The following LOC112694756 variants were observed in gnomAD, a reference collection of about 807,000 sequenced individuals.
the LOC112694756 span, chr16:30,066,797 C>T: frequency 2.8e-6 from 4 of 1,421,778 alleles, no homozygotes; most frequent in Non-Finnish European, 3.8e-6. Flanking sequence ...TTTCCCATAT[C>T]TGGGCCCTTT....
the LOC112694756 span, chr16:30,067,213 C>T: frequency 9.3e-6 from 15 of 1,611,992 alleles, no homozygotes; most frequent in African/African-American, 1.1e-4. Context: ...CTAGTCCTTC[C>T]CCTCTGTTTC....
At chr16:30,063,270 C>T in the LOC112694756 span, among the ~76,000 whole-genome samples, 2 of 151,986 alleles carry the variant, frequency 1.3e-5, no homozygotes, top group Admixed American at 6.6e-5. Flanking sequence ...TGAATGAGAC[C>T]CTCTATTTTG....
the LOC112694756 span, chr16:30,068,414 T>G: frequency 1.7e-6 from 1 of 593,888 alleles, no homozygotes. Flanking sequence ...TTGCCAGCCC[T>G]GAGATGCAGT....
At chr16:30,069,978 G>A in the LOC112694756 span, 5 of 1,613,860 alleles carry the variant, frequency 3.1e-6, no homozygotes, top group Non-Finnish European at 4.2e-6. Flanking sequence ...CCTGGGGCGG[G>A]AAGAAGGAGA....
chr16:30,070,002 G>A, the LOC112694756 span: 101 of 1,613,814 alleles, frequency 6.3e-5, no homozygotes, highest in Middle Eastern at 4.9e-4. Context: ...TGAAGGCTGC[G>A]CAGGAGGAGT....
the LOC112694756 span, chr16:30,069,802 C>T: frequency 3.1e-6 from 5 of 1,613,486 alleles, no homozygotes; most frequent in Non-Finnish European, 4.2e-6. Flanking sequence ...CTGACCACAG[C>T]CCCTCTCGCC....
At chr16:30,068,989 A>G in the LOC112694756 span, 5 of 1,614,090 alleles carry the variant, frequency 3.1e-6, no homozygotes, top group African/African-American at 2.7e-5. Context: ...GTGGGCCTGC[A>G]GGTCCTCAAT....
At chr16:30,069,477 C>T in the LOC112694756 span, 4 of 1,614,116 alleles carry the variant, frequency 2.5e-6, no homozygotes, top group East Asian at 8.9e-5. Context: ...CCACTACCCA[C>T]CGTGCGCCTG....
chr16:30,064,578 C>T, the LOC112694756 span: 1 of 398,592 alleles, frequency 2.5e-6, no homozygotes, highest in Non-Finnish European at 4.4e-6. Context: ...CCATGCCGGG[C>T]CCCACGATAG....
chr16:30,059,617 C>T, the LOC112694756 span, among the ~76,000 whole-genome samples: 1 of 150,660 alleles, frequency 6.6e-6, no homozygotes, highest in Non-Finnish European at 1.5e-5. Context: ...GGCTGGAATG[C>T]GGTGGCGTAA....
At chr16:30,055,259 G>T in the LOC112694756 span, 8 of 399,164 alleles carry the variant, frequency 2.0e-5, no homozygotes, top group Non-Finnish European at 3.5e-5. Flanking sequence ...CTGTGCAGAA[G>T]CCTGCAACTT....
the LOC112694756 span, chr16:30,067,948 G>A: frequency 2.0e-6 from 1 of 499,402 alleles, no homozygotes; most frequent in Admixed American, 3.3e-5. Context: ...CATTTCTGTT[G>A]TCAAATAACA....
chr16:30,066,558 C>T, the LOC112694756 span, among the ~76,000 whole-genome samples: 71 of 152,228 alleles, frequency 4.7e-4, no homozygotes, highest in African/African-American at 1.5e-3. Context: ...GCCGCCCTTT[C>T]CTGGGCTTCT....
At chr16:30,055,873 CACTGCA>C in the LOC112694756 span, among the ~76,000 whole-genome samples, 1 of 152,130 alleles carries the variant, frequency 6.6e-6, no homozygotes, top group Non-Finnish European at 1.5e-5. Flanking sequence ...GATCTAGGCT[CACTGCA>C]ACCTCCACCT....
chr16:30,054,665 T>C, the LOC112694756 span: 1 of 397,752 alleles, frequency 2.5e-6, no homozygotes, highest in Non-Finnish European at 4.4e-6. Flanking sequence ...CTGTTGACGC[T>C]CTCCCCACCA....
chr16:30,070,215 G>A, the LOC112694756 span: 61 of 1,613,938 alleles, frequency 3.8e-5, no homozygotes, highest in South Asian at 5.5e-5. Context: ...CCTATTAAGC[G>A]GAGGTGTTCC....
At chr16:30,070,070 G>A in the LOC112694756 span, 1 of 1,613,610 alleles carries the variant, frequency 6.2e-7, no homozygotes, top group Admixed American at 1.7e-5. Context: ...CTGGGTGGAT[G>A]GGACTCGGAG....
the LOC112694756 span, among the ~76,000 whole-genome samples, chr16:30,059,853 C>T: frequency 1.3e-5 from 2 of 151,748 alleles, no homozygotes; most frequent in African/African-American, 4.8e-5. Context: ...AGGCGTGAGT[C>T]GCCATGCCCG....
the LOC112694756 span, chr16:30,069,958 G>A: frequency 1.2e-6 from 2 of 1,613,986 alleles, no homozygotes; most frequent in East Asian, 2.2e-5. Context: ...GCAGGCCTCT[G>A]CCCTGAAGGC....
Sources: allele counts gnomAD v4.1 joint callset (sites outside exome capture counted in the v4.1 genomes callset), GRCh38; gene constraint gnomAD v4.1.1; transcripts MANE v1.5.